Variants in AGTPBP1 observed in about 807,000 individuals in gnomAD.
AGTPBP1 encodes ATP/GTP binding carboxypeptidase 1.
In AGTPBP1, 70 loss-of-function variants were observed where a neutral mutation model predicts 143.9. That is an observed-to-expected ratio of 0.49 (90% CI 0.40 to 0.59). AGTPBP1 has a LOEUF of 0.59. Among genes scored for constraint, AGTPBP1 ranks in the 20% least tolerant of loss-of-function variants. AGTPBP1 has a pLI of 0.00. For synonymous variants in AGTPBP1, 463 were observed against 500.2 expected (o/e 0.93, Z 0.99); for missense variants, 1,229 against 1,464.5 (o/e 0.84, Z 2.62).
chr9:85,770,481 T>G, the AGTPBP1 span: 2 of 1,548,562 alleles, frequency 1.3e-6, no homozygotes, highest in Admixed American at 1.7e-5. Flanking sequence ...TTTTCAGATA[T>G]TTCAATAAGG....
chr9:85,670,613 T>G (rs930119264), intron 7 of AGTPBP1, among the ~76,000 whole-genome samples: 1 of 152,184 alleles, frequency 6.6e-6, no homozygotes, highest in African/African-American at 2.4e-5. Flanking sequence ...CCTGTAGTCT[T>G]AGCTGCTTGG....
chr9:85,670,323 C>T (rs935574113), intron 7 of AGTPBP1, among the ~76,000 whole-genome samples: 7 of 151,988 alleles, frequency 4.6e-5, no homozygotes, highest in Admixed American at 2.6e-4. Context: ...TGGGGAATCA[C>T]GCAAAAGGAA....
the AGTPBP1 span, chr9:85,781,063 G>A: frequency 1.4e-5 from 16 of 1,147,436 alleles, 1 homozygote; most frequent in South Asian, 2.8e-4. Flanking sequence ...CTTACAGTGA[G>A]CCGAGCATAT....
At chr9:85,741,227 G>T in intron 1 of AGTPBP1, 2 of 985,450 alleles carry the variant, frequency 2.0e-6, no homozygotes, top group Non-Finnish European at 2.4e-6. Context: ...ACCACCCAGC[G>T]AGAGGAAGCA....
At position 85,646,380 on chromosome 9, in the gene AGTPBP1, TATC is replaced by T; in HGVS notation, c.1123_1125del (p.Asp375del). The T allele has an allele frequency of 6.2e-7, 1 of 1,613,034 alleles. No homozygotes were observed. Among genetic ancestry groups the T allele is most frequent in the Non-Finnish European group, 8.5e-7 (1 of 1,179,686 alleles). On this transcript the variant is annotated inframe_deletion, in exon 12 of 26. Transcript: ENST00000357081. Reference sequence around the variant, plus strand: ...GTTTCGTTTTCAGCTTCTACATCAATATCATCGTTGTCATCACTTTCATCTACT... The same window carrying T: ...GTTTCGTTTTCAGCTTCTACATCAATATCGTTGTCATCACTTTCATCTACT...
intron 23 of AGTPBP1, among the ~76,000 whole-genome samples, chr9:85,582,488 C>T (rs904420370): frequency 6.6e-6 from 1 of 152,052 alleles, no homozygotes; most frequent in African/African-American, 2.4e-5. Context: ...ACCAGCCTGG[C>T]CAACATGGTG....
the AGTPBP1 span, among the ~76,000 whole-genome samples, chr9:85,778,804 A>C: frequency 1.3e-5 from 2 of 152,090 alleles, no homozygotes; most frequent in Non-Finnish European, 2.9e-5. Context: ...ATTTTCTTTC[A>C]TCAGTTTGTC....
chr9:85,572,916 A>C (rs948029591), intron 25 of AGTPBP1, among the ~76,000 whole-genome samples: 1 of 152,222 alleles, frequency 6.6e-6, no homozygotes, highest in Non-Finnish European at 1.5e-5. Context: ...CATATACAAC[A>C]GGGCAGAGCA....
chr9:85,597,502 A>G (rs1587707338), intron 17 of AGTPBP1, among the ~76,000 whole-genome samples: 1 of 152,120 alleles, frequency 6.6e-6, no homozygotes, highest in Non-Finnish European at 1.5e-5. Context: ...ATTCCATGTA[A>G]TATTTGCCAC....
chr9:85,749,902 G>C, the AGTPBP1 span, among the ~76,000 whole-genome samples: 65 of 146,312 alleles, frequency 4.4e-4, 1 homozygote, highest in Middle Eastern at 3.5e-3. Context: ...TTTTTTTTGA[G>C]ACGGAGTCTC....
chr9:85,739,518 G>A (rs994872529), intron 1 of AGTPBP1, among the ~76,000 whole-genome samples: 2 of 152,134 alleles, frequency 1.3e-5, no homozygotes, highest in Non-Finnish European at 2.9e-5. Context: ...AGACGAGCTT[G>A]GGTAACATGG....
intron 1 of AGTPBP1, chr9:85,741,421 G>C (rs1400807988): frequency 1.0e-6 from 1 of 985,110 alleles, no homozygotes; most frequent in Non-Finnish European, 1.2e-6. Flanking sequence ...CCGCGGCGCC[G>C]CGAGCTCGGG....
rs113876109 is a variant in AGTPBP1 at position 85,741,364 on chromosome 9, G to A, written c.-34+411C>T. Reference sequence around the variant, plus strand: ...CTACCACTGGGGCGGGGGAGAGCGGGGCTGGGCGCGCCCGCCCCCGGCCCT... The same window carrying A: ...CTACCACTGGGGCGGGGGAGAGCGGAGCTGGGCGCGCCCGCCCCCGGCCCT... On this transcript the variant is annotated intron_variant, in intron 1 of 25. Transcript: ENST00000357081. 26 of 985,350 alleles carry A rather than the reference G, an allele frequency of 2.6e-5. No homozygotes were observed. The African/African-American group carries it at 3.7e-4, about 14-fold the overall frequency. The allele number at this position is 985,350 out of a possible 1,614,324, so 61.0% of individuals were successfully genotyped here.
At chr9:85,779,220 TATAGATATAGATATAG>T in the AGTPBP1 span, among the ~76,000 whole-genome samples, 12 of 139,052 alleles carry the variant, frequency 8.6e-5, no homozygotes, top group African/African-American at 3.1e-4. Context: ...TAGATATAGA[TATAGATATAGATATAG>T]ATATAGATAT....
At chr9:85,725,820 C>T (rs920825933) in intron 1 of AGTPBP1, among the ~76,000 whole-genome samples, 11 of 151,688 alleles carry the variant, frequency 7.3e-5, no homozygotes, top group African/African-American at 2.4e-4. Flanking sequence ...CCAAGGCGGG[C>T]GAATCACCTG....
chr9:85,795,165 G>GT, the AGTPBP1 span, among the ~76,000 whole-genome samples: 1 of 152,080 alleles, frequency 6.6e-6, no homozygotes, highest in African/African-American at 2.4e-5. Context: ...TTATTTCTAG[G>GT]TTAAGGGTGG....
chr9:85,766,128 CAA>C, the AGTPBP1 span, among the ~76,000 whole-genome samples: 46 of 131,064 alleles, frequency 3.5e-4, no homozygotes, highest in South Asian at 4.6e-3. Flanking sequence ...TAGAAGAAGC[CAA>C]AAAAAAAAAA....
chr9:85,801,276 C>T, the AGTPBP1 span, among the ~76,000 whole-genome samples: 1 of 152,172 alleles, frequency 6.6e-6, no homozygotes, highest in Non-Finnish European at 1.5e-5. Context: ...TGCACCACTG[C>T]ACTCTGGCCT....
the AGTPBP1 span, among the ~76,000 whole-genome samples, chr9:85,771,655 T>C: frequency 6.7e-6 from 1 of 149,164 alleles, no homozygotes; most frequent in Non-Finnish European, 1.5e-5. Context: ...TAGATAACTT[T>C]TTTTTTTTTT....
Sources: gnomAD v4.1 joint callset for allele counts (sites outside exome capture counted in the v4.1 genomes callset) on GRCh38, gnomAD v4.1.1 for gene constraint, MANE v1.5 for transcripts, NCBI Gene and HGNC (gene_info 2026-07-23, HGNC 2026-07-21) for gene names.